GOLGA2: variants seen among roughly 807,000 people sequenced by gnomAD.
GOLGA2 encodes golgin subfamily A member 2.
Under a neutral mutation model 148.8 loss-of-function variants are expected in GOLGA2, and 49 were observed. The observed-to-expected ratio is 0.33, with a 90% CI of 0.26 to 0.42. GOLGA2 has a LOEUF of 0.42. Among genes scored for constraint, GOLGA2 ranks in the 10% least tolerant of loss-of-function variants. The pLI, the probability that GOLGA2 is intolerant of heterozygous loss-of-function variation, is 1.00. For missense variants in GOLGA2, 1,178 were observed against 1,304.6 expected, an observed-to-expected ratio of 0.90 and a Z score of 1.49; for synonymous variants, 501 against 511.8, an observed-to-expected ratio of 0.98 and a Z score of 0.28.
intron 5 of GOLGA2, 34 bp downstream of exon 5, chr9:128,268,083 C>T (rs544716194): frequency 6.2e-7 from 1 of 1,608,496 alleles, no homozygotes; most frequent in Non-Finnish European, 8.5e-7. Context: ...ACTCTCTCAG[C>T]CTAGAGACTG....
intron 1 of GOLGA2, among the ~76,000 whole-genome samples, chr9:128,275,139 G>T (rs1831232901): frequency 6.6e-6 from 1 of 152,136 alleles, no homozygotes; most frequent in Non-Finnish European, 1.5e-5. Context: ...TGAAGTGTAG[G>T]CTTTTCACAC....
intron 2 of GOLGA2, among the ~76,000 whole-genome samples, 167 bp from the exon 3 acceptor site, chr9:128,273,032 C>G (rs1831056493): frequency 6.6e-6 from 1 of 152,206 alleles, no homozygotes; most frequent in African/African-American, 2.4e-5. Context: ...CAAATGGCCA[C>G]CTGCTGCCTT....
intron 1 of GOLGA2, among the ~76,000 whole-genome samples, chr9:128,274,478 A>G (rs1324602160): frequency 6.6e-6 from 1 of 152,182 alleles, no homozygotes; most frequent in Non-Finnish European, 1.5e-5. Flanking sequence ...TCAAGGTCAG[A>G]CTGGGCAACA....
At chr9:128,272,147 C>T (rs1830994717) in intron 3 of GOLGA2, among the ~76,000 whole-genome samples, 1 of 149,116 alleles carries the variant, frequency 6.7e-6, no homozygotes, top group South Asian at 2.1e-4. Context: ...TTTCATCTCT[C>T]CTAGTCTGAG....
Position 128,259,290 on chromosome 9 carries a change from A to T in GOLGA2, c.1974T>A (p.Ser658=). 6.2e-7 allele frequency: 1 copy of T among 1,611,500 alleles called. No homozygotes were observed. Among genetic ancestry groups the T allele is most frequent in the South Asian group, 1.1e-5 (1 of 90,928 alleles). ...QYVAAYQQLT[S]EKEVLHNQLL... ...GCTGATTATGCAGCACCTCCTTCTCAGAGGTCAGCTGCTGATAGGCGGCCA... is the reference window on the plus strand; with the variant it reads ...GCTGATTATGCAGCACCTCCTTCTCTGAGGTCAGCTGCTGATAGGCGGCCA... Residue 658 remains serine, a synonymous_variant, in exon 20 of 27, where the codon TCT becomes TCA. Coordinates refer to ENST00000611957, the MANE Select transcript of GOLGA2 (RefSeq NM_001366244.2).
In GOLGA2 at chr9:128,258,259, T is replaced by C. The variant is rs1251379603; in HGVS notation, c.2290-61A>G. ...ATATAGGATGAACAGGGCAGGGAGGTAGAGAGCAGCCCTTCCCTTGGGGCC... is the reference window on the plus strand; with the variant it reads ...ATATAGGATGAACAGGGCAGGGAGGCAGAGAGCAGCCCTTCCCTTGGGGCC... On this transcript the variant is annotated intron_variant, in intron 22 of 26. Transcript: ENST00000611957. This position sits in a 1 kb window ranked among gnomAD's most constrained non-coding sequence, Gnocchi z 6.6. 7 of 1,348,318 alleles carry C rather than the reference T, an allele frequency of 5.2e-6. No individual in the cohort carries two copies. The highest frequency in any genetic ancestry group is 1.8e-4 in the Middle Eastern group (1 of 5,470). 83.5% of individuals were successfully genotyped at this position (1,348,318 alleles called of 1,614,324 possible).
chr9:128,270,502 ATTATT>A (rs1482714723), intron 3 of GOLGA2, among the ~76,000 whole-genome samples: 1 of 152,070 alleles, frequency 6.6e-6, no homozygotes, highest in East Asian at 1.9e-4. Flanking sequence ...AAGTTATTTC[ATTATT>A]TTAAGTCTTG....
chr9:128,267,253 C>T lies in GOLGA2; in HGVS notation c.583G>A (p.Val195Ile). Residue 195 changes from valine (V) to isoleucine (I), a missense_variant, in exon 8 of 27, where the codon GTA (valine) becomes ATA (isoleucine). Physicochemically the swap from Val to Ile is conservative, Grantham distance 29. Coordinates refer to ENST00000611957, the MANE Select transcript of GOLGA2 (RefSeq NM_001366244.2). The stretch of plus-strand genomic sequence containing the variant: ...GTTACATAGCTGGAGTCCAGGGCTA[C>T]CGCTAGCTGTTGGTACCGGCTCTGA... ...DLESRYQQLA[V>I]ALDSSYVTNK... 1 of 1,610,946 alleles carries T rather than the reference C, an allele frequency of 6.2e-7. No homozygotes were observed. Among genetic ancestry groups the T allele is most frequent in the South Asian group, 1.1e-5 (1 of 91,026 alleles).
In GOLGA2 at chr9:128,260,645, C is replaced by T. The variant is rs528663347; in HGVS notation, c.1578G>A (p.Glu526=). Residue 526 remains glutamate, a synonymous_variant, in exon 18 of 27, where the codon GAG becomes GAA. Coordinates refer to ENST00000611957, the MANE Select transcript of GOLGA2 (RefSeq NM_001366244.2). This position sits in a 1 kb window ranked among gnomAD's most constrained non-coding sequence, Gnocchi z 4.8. ...CCAGCTCCAGCAGCCTCTCCTCCTG[C>T]TCCCGGTTCAGGCGACTCAAGCCCT... is the stretch of plus-strand genomic sequence containing the variant. The part of the protein sequence containing the change: ...DNEGLSRLNR[E]QEERLLELER... The T allele has an allele frequency of 7.4e-6, 12 of 1,612,478 alleles. No homozygotes were observed. Among genetic ancestry groups the T allele is most frequent in the South Asian group, 1.1e-5 (1 of 91,084 alleles).
In GOLGA2 at chr9:128,260,774, TGCTGGGGGCTCTGGGGGCGGGGGTTCA is replaced by T; in HGVS notation, c.1422_1448del (p.Glu475_Ala483del). The T allele has an allele frequency of 6.2e-7, 1 of 1,610,266 alleles. No individual in the cohort carries two copies. The highest frequency in any genetic ancestry group is 1.1e-5 in the South Asian group (1 of 91,016). The stretch of plus-strand genomic sequence containing the variant: ...GCTGCTGCTCCACCTCGGAGGGCCC[TGCTGGGGGCTCTGGGGGCGGGGGTTCA>T]GCTGAGAAAGGACGCAGACAATAAA... On this transcript the variant is annotated inframe_deletion and splice_region_variant, in exon 18 of 27. Coordinates refer to ENST00000611957, the MANE Select transcript of GOLGA2 (RefSeq NM_001366244.2). The surrounding 1 kb of genome is among the most constrained non-coding windows in gnomAD (Gnocchi z 4.8).
rs1830600002 is a variant in GOLGA2 at position 128,266,386 on chromosome 9, C to T, written c.643-61G>A. ...GGCCCCCTCAACTCTATTCCCCAGA[C>T]CAGGAACGGGTAGGCAGGGGCCAGG... On this transcript the variant is annotated intron_variant, in intron 8 of 26. Coordinates refer to ENST00000611957, the MANE Select transcript of GOLGA2 (RefSeq NM_001366244.2). This position sits in a 1 kb window ranked among gnomAD's most constrained non-coding sequence, Gnocchi z 4.2. 6 of 1,459,590 alleles carry T rather than the reference C, an allele frequency of 4.1e-6. No individual in the cohort carries two copies. The highest frequency in any genetic ancestry group is 5.7e-6 in the Non-Finnish European group (6 of 1,044,110). The allele number at this position is 1,459,590 out of a possible 1,614,324, so 90.4% of individuals were successfully genotyped here.
At position 128,266,422 on chromosome 9, in the gene GOLGA2, A is replaced by G; in HGVS notation, c.643-97T>C. 9.3e-6 allele frequency: 10 copies of G among 1,071,888 alleles called. No individual in the cohort carries two copies. Among genetic ancestry groups the G allele is most frequent in the Non-Finnish European group, 1.4e-5 (10 of 701,542 alleles). 66.4% of individuals were successfully genotyped at this position (1,071,888 alleles called of 1,614,324 possible). A position where few individuals can be genotyped will look rare whatever the true frequency, so the allele number is the denominator to read the frequency against. ...TAGGCAGGGGCCAGGAATGGATTTT[A>G]AAGGCAAAGTTCTCAGACCCAATGG... On this transcript the variant is annotated intron_variant, in intron 8 of 26. Coordinates refer to ENST00000611957, the MANE Select transcript of GOLGA2 (RefSeq NM_001366244.2). This position sits in a 1 kb window ranked among gnomAD's most constrained non-coding sequence, Gnocchi z 4.2.
rs745316631 is a variant in GOLGA2 at position 128,265,841 on chromosome 9, G to C, written c.773C>G (p.Ala258Gly). 1 of 1,613,932 alleles carries C rather than the reference G, an allele frequency of 6.2e-7. No homozygotes were observed. Among genetic ancestry groups the C allele is most frequent in the Non-Finnish European group, 8.5e-7 (1 of 1,179,788 alleles). ...QTIGILVSEK[A>G]ELQTALAHTQ... ...GTGAGCCAGGGCTGTCTGTAACTCA[G>C]CTTTCTCTGATACGAGGATCCCTAT... is the stretch of plus-strand genomic sequence containing the variant. The change falls in exon 11 of 27, where the codon GCT (alanine) becomes GGT (glycine). Residue 258 changes from alanine (A) to glycine (G), a missense_variant. Transcript: ENST00000611957.
chr9:128,259,337 G>C lies in GOLGA2; in HGVS notation c.1927C>G (p.Leu643Val). ...GCCACATACTGCTGCAGGTGTCCCA[G>C]GTACTGGTCTCGCTGCTGCTGCAGA... Reference protein sequence around the residue: ...QSLQQQRDQYLGHLQQYVAAY... With the variant: ...QSLQQQRDQYVGHLQQYVAAY... The change falls in exon 20 of 27, where the codon CTG (leucine) becomes GTG (valine). Residue 643 changes from leucine to valine, a missense_variant. Around this residue, in one of 5 missense-constraint regions of GOLGA2, gnomAD observed 529 missense variants for 521.8 expected, o/e 1.01. Coordinates refer to ENST00000611957, the MANE Select transcript of GOLGA2 (RefSeq NM_001366244.2). 2 of 1,608,952 alleles carry C rather than the reference G, an allele frequency of 1.2e-6. No individual in the cohort carries two copies. Among genetic ancestry groups the C allele is most frequent in the South Asian group, 2.2e-5 (2 of 90,454 alleles).
intron 12 of GOLGA2, among the ~76,000 whole-genome samples, chr9:128,264,639 G>T (rs1365276813): frequency 6.6e-6 from 1 of 151,690 alleles, no homozygotes; most frequent in African/African-American, 2.4e-5. Flanking sequence ...TGTTGGTCAG[G>T]CTGGTCTCGA....
intron 20 of GOLGA2, 36 bp from the exon 21 acceptor site, chr9:128,259,118 G>C (rs372053134): frequency 8.4e-5 from 134 of 1,599,806 alleles, no homozygotes; most frequent in Non-Finnish European, 1.1e-4. Context: ...AAGGCATGGA[G>C]GTTGCCAGGT....
At position 128,261,111 on chromosome 9, in the gene GOLGA2, A is replaced by C; in HGVS notation, c.1420+61T>G. Reference sequence around the variant, plus strand: ...CCACCCAACTCCCTGGGGCATTCTAAACCACCCCCACAACCCTCTGACACC... The same window carrying C: ...CCACCCAACTCCCTGGGGCATTCTACACCACCCCCACAACCCTCTGACACC... On this transcript the variant is annotated intron_variant, in intron 17 of 26. Coordinates refer to ENST00000611957, the MANE Select transcript of GOLGA2 (RefSeq NM_001366244.2). This position sits in a 1 kb window ranked among gnomAD's most constrained non-coding sequence, Gnocchi z 5.7. The C allele has an allele frequency of 8.5e-7, 1 of 1,176,354 alleles. No individual in the cohort carries two copies. 72.9% of individuals were successfully genotyped at this position (1,176,354 alleles called of 1,614,324 possible).
At chr9:128,262,882 G>C in intron 13 of GOLGA2, 152 bp downstream of exon 13, 3 of 796,778 alleles carry the variant, frequency 3.8e-6, no homozygotes, top group South Asian at 2.9e-5. Context: ...GCTACACCAT[G>C]AGTCAGTGGC....
In GOLGA2 at chr9:128,267,179, C is replaced by T; in HGVS notation, c.642+15G>A. ...ATTAGCAGCATGGAATCAGGGGACCCCACTGGACTCTTACCAATTTCTCTA... is the reference window on the plus strand; with the variant it reads ...ATTAGCAGCATGGAATCAGGGGACCTCACTGGACTCTTACCAATTTCTCTA... On this transcript the variant is annotated intron_variant, in intron 8 of 26. Transcript: ENST00000611957. 1 of 1,466,190 alleles carries T rather than the reference C, an allele frequency of 6.8e-7. No homozygotes were observed. The highest frequency in any genetic ancestry group is 9.6e-7 in the Non-Finnish European group (1 of 1,045,114). 90.8% of individuals were successfully genotyped at this position (1,466,190 alleles called of 1,614,324 possible). A position where few individuals can be genotyped will look rare whatever the true frequency, so the allele number is the denominator to read the frequency against.
Sources: gnomAD v4.1 joint callset for allele counts (sites outside exome capture counted in the v4.1 genomes callset) on GRCh38, gnomAD v4.1.1 for gene constraint, gnomAD v4.1.1 regional missense constraint, Gnocchi (gnomAD v3.1) non-coding constraint, MANE v1.5 for transcripts, NCBI Gene and HGNC (gene_info 2026-07-23, HGNC 2026-07-21) for gene names.